Variants in ATRNL1 observed in about 807,000 individuals in gnomAD.
ATRNL1 encodes attractin-like protein 1.
ATRNL1 carries 95 observed loss-of-function variants against 182.7 expected under a neutral mutation model. The ratio of observed to expected loss-of-function variants is 0.52; its 90% CI spans 0.44 to 0.62. The LOEUF is 0.62. Among genes scored for constraint, ATRNL1 ranks in the 20% least tolerant of loss-of-function variants. The pLI, the probability that ATRNL1 is intolerant of heterozygous loss-of-function variation, is 0.00. For missense variants in ATRNL1, 1,471 were observed against 1,679.5 expected, an observed-to-expected ratio of 0.88 and a Z score of 2.17; for synonymous variants, 576 against 568.3, an observed-to-expected ratio of 1.01 and a Z score of -0.19.
intron 28 of ATRNL1, among the ~76,000 whole-genome samples, chr10:115,883,654 A>G (rs1012593990): frequency 1.3e-5 from 2 of 152,264 alleles, no homozygotes; most frequent in African/African-American, 4.8e-5. Context: ...ATGGTTTCAT[A>G]TGAAGTTTTT....
intron 17 of ATRNL1, among the ~76,000 whole-genome samples, chr10:115,307,232 A>G (rs937262725): frequency 3.1e-4 from 47 of 152,104 alleles, no homozygotes; most frequent in African/African-American, 1.1e-3. Flanking sequence ...ATACTACTCT[A>G]ACAGTTATTT....
chr10:115,214,528 C>G (rs1219074138), intron 8 of ATRNL1, among the ~76,000 whole-genome samples: 1 of 151,770 alleles, frequency 6.6e-6, no homozygotes, highest in Non-Finnish European at 1.5e-5. Flanking sequence ...GAATCATTTT[C>G]TTTACTACCT....
intron 26 of ATRNL1, among the ~76,000 whole-genome samples, chr10:115,691,539 T>C (rs1555048216): frequency 6.6e-6 from 1 of 152,056 alleles, no homozygotes. Flanking sequence ...CTGAGGAACA[T>C]GGCAAAACTC....
chr10:115,586,355 A>G lies in ATRNL1; in HGVS notation c.3795+36819A>G, dbSNP rs1855501913. On this transcript the variant is annotated intron_variant, in intron 26 of 28. Coordinates refer to ENST00000355044, the MANE Select transcript of ATRNL1 (RefSeq NM_207303.4). ...ATAATATCCTGCAGAGTGTTTTCCA[A>G]CTTGGTTCCATTCTCCCCGTCACTT... 2.1e-5 allele frequency among the ~76,000 whole-genome samples: 2 copies of G among 94,966 alleles called. 1 individual carries two copies. The highest frequency in any genetic ancestry group is 4.6e-5 in the Non-Finnish European group (2 of 43,254). The allele number at this position is 94,966 out of a possible 152,430, so 62.3% of individuals were successfully genotyped here.
intron 10 of ATRNL1, among the ~76,000 whole-genome samples, chr10:115,250,415 T>C (rs1268969064): frequency 6.6e-6 from 1 of 152,208 alleles, no homozygotes; most frequent in Non-Finnish European, 1.5e-5. Context: ...TTCCACATAC[T>C]ACTTTTTCCA....
intron 21 of ATRNL1, among the ~76,000 whole-genome samples, chr10:115,439,531 T>G (rs376286295): frequency 4.6e-5 from 7 of 152,034 alleles, no homozygotes; most frequent in East Asian, 1.9e-4. Flanking sequence ...TTGTACTAGT[T>G]TTCCAGTCAT....
chr10:115,588,047 T>A (rs1555010812), intron 26 of ATRNL1, among the ~76,000 whole-genome samples: 2 of 152,134 alleles, frequency 1.3e-5, no homozygotes, highest in East Asian at 3.9e-4. Context: ...TACACAGGGA[T>A]TATCAGACTG....
intron 21 of ATRNL1, among the ~76,000 whole-genome samples, chr10:115,455,444 T>C (rs1230251563): frequency 2.0e-5 from 3 of 152,196 alleles, no homozygotes; most frequent in Non-Finnish European, 2.9e-5. Context: ...TGCAGAAAAC[T>C]GAAACTGGAC....
chr10:115,772,416 A>G (rs1949014873), intron 27 of ATRNL1, among the ~76,000 whole-genome samples: 1 of 152,196 alleles, frequency 6.6e-6, no homozygotes, highest in African/African-American at 2.4e-5. Context: ...CCATTTGAAG[A>G]AGCAATTTAT....
chr10:115,260,537 A>T (rs1458452433), intron 10 of ATRNL1, among the ~76,000 whole-genome samples: 1 of 152,190 alleles, frequency 6.6e-6, no homozygotes, highest in Non-Finnish European at 1.5e-5. Context: ...TCACTCTTAA[A>T]TTTGCAGCCT....
intron 27 of ATRNL1, among the ~76,000 whole-genome samples, chr10:115,823,084 C>A (rs139449452): frequency 1.3e-5 from 2 of 152,104 alleles, no homozygotes; most frequent in African/African-American, 2.4e-5. Flanking sequence ...TTATTCACCA[C>A]GATCAAGTCA....
chr10:115,694,767 A>G (rs12264880), intron 26 of ATRNL1, among the ~76,000 whole-genome samples: 1,759 of 152,172 alleles, frequency 0.012, 32 homozygotes, highest in African/African-American at 0.04. Flanking sequence ...GGTGGGAATA[A>G]GGCATTTTCT....
intron 24 of ATRNL1, among the ~76,000 whole-genome samples, chr10:115,478,374 T>C (rs910119708): frequency 1.3e-5 from 2 of 151,824 alleles, no homozygotes; most frequent in South Asian, 2.1e-4. Context: ...GAGTTCAGTA[T>C]ATTGAAGTTG....
chr10:115,724,002 C>A (rs1255366536), intron 26 of ATRNL1, among the ~76,000 whole-genome samples: 3 of 152,078 alleles, frequency 2.0e-5, no homozygotes, highest in African/African-American at 7.2e-5. Flanking sequence ...TGATTATAAT[C>A]TATTGTATTA....
intron 24 of ATRNL1, among the ~76,000 whole-genome samples, chr10:115,479,372 A>C (rs782343083): frequency 4.6e-5 from 7 of 151,602 alleles, no homozygotes; most frequent in Admixed American, 6.6e-5. Flanking sequence ...GTTGGTGGCT[A>C]TTTGTACAGA....
chr10:115,923,814 C>A lies in ATRNL1; in HGVS notation c.4019-20844C>A, dbSNP rs150984012. The stretch of plus-strand genomic sequence containing the variant: ...CAAATGGCATATCTGGTTCTAGATC[C>A]TTGAGGAATCGCCTACTGTCTTCCA... On this transcript the variant is annotated intron_variant, in intron 28 of 28. Transcript: ENST00000355044. Among the ~76,000 whole-genome samples the A allele has an allele frequency of 8.5e-3, 1,289 of 152,248 alleles. 17 individuals are homozygous for A. Among genetic ancestry groups the A allele is most frequent in the African/African-American group, 0.03 (1,232 of 41,552 alleles).
chr10:115,906,458 A>C (rs1555114570), intron 28 of ATRNL1, among the ~76,000 whole-genome samples: 1 of 152,194 alleles, frequency 6.6e-6, no homozygotes, highest in Non-Finnish European at 1.5e-5. Context: ...AGGCCCTGGC[A>C]CAGAGCAGGC....
At chr10:115,591,995 A>C (rs574240656) in intron 26 of ATRNL1, among the ~76,000 whole-genome samples, 17 of 152,314 alleles carry the variant, frequency 1.1e-4, no homozygotes, top group South Asian at 8.3e-4. Context: ...GCAGCCATAA[A>C]AGAGAAAAAA....
intron 25 of ATRNL1, among the ~76,000 whole-genome samples, chr10:115,540,402 C>T (rs905206860): frequency 2.6e-5 from 4 of 152,042 alleles, no homozygotes; most frequent in Admixed American, 2.6e-4. Flanking sequence ...AGAATATCAA[C>T]ATTATTTATA....
Sources: allele counts gnomAD v4.1 joint callset (sites outside exome capture counted in the v4.1 genomes callset), GRCh38; gene constraint gnomAD v4.1.1; transcripts MANE v1.5; gene names NCBI Gene and HGNC (gene_info 2026-07-23, HGNC 2026-07-21).